The following TRPM3 variants were observed in gnomAD, a reference collection of about 807,000 sequenced individuals.
TRPM3 encodes the protein transient receptor potential cation channel subfamily M member 3.
TRPM3 carries 77 observed loss-of-function variants against 181.2 expected under a neutral mutation model. The ratio of observed to expected loss-of-function variants is 0.42; its 90% CI spans 0.35 to 0.51. TRPM3 has a LOEUF of 0.51. Ranked by LOEUF, TRPM3 falls within the 20% of genes least tolerant of loss-of-function variation. TRPM3 has a pLI of 0.01. For synonymous variants in TRPM3, 745 were observed against 796.4 expected (o/e 0.94, Z 1.09); for missense variants, 1,759 against 2,196.7 (o/e 0.80, Z 3.98).
At chr9:70,889,982 G>A (rs1425920486) in intron 1 of TRPM3, among the ~76,000 whole-genome samples, 1 of 147,028 alleles carries the variant, frequency 6.8e-6, no homozygotes, top group Non-Finnish European at 1.5e-5. Flanking sequence ...AATATTTATA[G>A]CATATTATAT....
intron 9 of TRPM3, among the ~76,000 whole-genome samples, chr9:70,643,311 T>C (rs1472249176): frequency 6.6e-6 from 1 of 152,204 alleles, no homozygotes; most frequent in East Asian, 1.9e-4. Flanking sequence ...TACTGGTTGG[T>C]GCTGACTTGC....
intron 1 of TRPM3, among the ~76,000 whole-genome samples, chr9:71,375,361 A>G (rs1341233481): frequency 6.6e-6 from 1 of 152,206 alleles, no homozygotes; most frequent in Non-Finnish European, 1.5e-5. Context: ...TACACCATAT[A>G]TAAGAATTAA....
At position 70,603,130 on chromosome 9, in the gene TRPM3, A is replaced by T. The variant is rs75645583; in HGVS notation, c.2796+212T>A. 2.4e-3 allele frequency among the ~76,000 whole-genome samples: 370 copies of T among 152,286 alleles called. 3 individuals are homozygous for T. The highest frequency in any genetic ancestry group is 0.024 in the South Asian group (117 of 4,816). ...GGCTACGTTAGCAGAGAATAGACCAAATCCTAAGCACTCAGGGAGTTACAC... is the reference window on the plus strand; with the variant it reads ...GGCTACGTTAGCAGAGAATAGACCATATCCTAAGCACTCAGGGAGTTACAC... On this transcript the variant is annotated intron_variant, in intron 20 of 25. Coordinates refer to ENST00000677713, the MANE Select transcript of TRPM3 (RefSeq NM_001366145.2).
intron 9 of TRPM3, among the ~76,000 whole-genome samples, chr9:70,663,597 A>AT (rs1466010081): frequency 1.3e-5 from 2 of 152,092 alleles, no homozygotes; most frequent in Non-Finnish European, 2.9e-5. Context: ...TTTATTTGTA[A>AT]TTTATATTAT....
In TRPM3 at chr9:71,227,108, CAAAAA is replaced by C. The variant is rs368727383; in HGVS notation, c.183+219540_183+219544del. Among the ~76,000 whole-genome samples, 4 of 40,178 alleles carry C rather than the reference CAAAAA, an allele frequency of 1.0e-4. No homozygotes were observed. In the East Asian group the frequency reaches 3.4e-3, roughly 34 times the overall value. 26.4% of individuals were successfully genotyped at this position (40,178 alleles called of 152,430 possible). On this transcript the variant is annotated intron_variant, in intron 1 of 24. Transcript: ENST00000357533. ...TGGGCGGCAGCATGATACTTCATCT[CAAAAA>C]AAAAAAAAAAAAAAAAAAGAGAGAA...
intron 18 of TRPM3, among the ~76,000 whole-genome samples, chr9:70,613,478 A>C (rs2062283949): frequency 6.6e-6 from 1 of 152,228 alleles, no homozygotes; most frequent in African/African-American, 2.4e-5. Context: ...AGAAGCTCAA[A>C]TATCAATCCC....
At chr9:71,057,835 A>G (rs1255265416) in intron 1 of TRPM3, among the ~76,000 whole-genome samples, 1 of 152,102 alleles carries the variant, frequency 6.6e-6, no homozygotes, top group Non-Finnish European at 1.5e-5. Context: ...TTGATTTAAA[A>G]TAGACTCAAA....
At chr9:70,918,836 TA>T (rs997444457) in intron 1 of TRPM3, among the ~76,000 whole-genome samples, 1 of 151,570 alleles carries the variant, frequency 6.6e-6, no homozygotes, top group Admixed American at 6.6e-5. Flanking sequence ...TTATTTTTTT[TA>T]AAAAAATAAA....
chr9:71,161,978 G>A (rs1440399108), intron 1 of TRPM3, among the ~76,000 whole-genome samples: 1 of 151,986 alleles, frequency 6.6e-6, no homozygotes, highest in Non-Finnish European at 1.5e-5. Flanking sequence ...AAGGCAGGCT[G>A]ATCACCTGAG....
In TRPM3 at chr9:70,552,994, G is replaced by A. The variant is rs777843927; in HGVS notation, c.3424C>T (p.Gln1142Ter). The change falls in exon 24 of 26, where the codon CAG becomes TAG. Residue 1142 changes from glutamine (Q) to a stop codon, truncating the protein, a stop_gained. Coordinates refer to ENST00000677713, the MANE Select transcript of TRPM3 (RefSeq NM_001366145.2). LOFTEE classifies it high-confidence loss of function. ...KSISNQVWKF[Q>*]RYQLIMTFHE... Reference sequence around the variant, plus strand: ...AAAGTCATGATGAGCTGATACCTCTGAAACTTCCAGACTTGGTTGGATATC... The same window carrying A: ...AAAGTCATGATGAGCTGATACCTCTAAAACTTCCAGACTTGGTTGGATATC... 5 of 1,614,178 alleles carry A rather than the reference G, an allele frequency of 3.1e-6. No homozygotes were observed. Among genetic ancestry groups the A allele is most frequent in the Non-Finnish European group, 4.2e-6 (5 of 1,180,026 alleles).
intron 1 of TRPM3, among the ~76,000 whole-genome samples, chr9:71,228,587 A>G (rs1446202131): frequency 6.6e-6 from 1 of 152,138 alleles, no homozygotes; most frequent in East Asian, 1.9e-4. Flanking sequence ...TAAAGACTTC[A>G]CCAGAAAACT....
intron 19 of TRPM3, 32 bp from the exon 20 acceptor site, chr9:70,603,502 G>C: frequency 6.2e-7 from 1 of 1,609,410 alleles, no homozygotes; most frequent in Non-Finnish European, 8.5e-7. Flanking sequence ...TGCTCTGGCT[G>C]TTCAGGCCCA....
At chr9:70,886,042 G>C (rs767796941) in intron 1 of TRPM3, among the ~76,000 whole-genome samples, 1 of 152,136 alleles carries the variant, frequency 6.6e-6, no homozygotes, top group Non-Finnish European at 1.5e-5. Flanking sequence ...GAATGTTATA[G>C]ACTTTCAGCA....
At chr9:71,282,937 T>C (rs982205629) in intron 1 of TRPM3, among the ~76,000 whole-genome samples, 3 of 152,162 alleles carry the variant, frequency 2.0e-5, no homozygotes, top group African/African-American at 7.2e-5. Flanking sequence ...TCTTTCTCAG[T>C]CTCACTTTTA....
intron 1 of TRPM3, among the ~76,000 whole-genome samples, chr9:71,279,157 T>C (rs2084493801): frequency 6.6e-6 from 1 of 152,184 alleles, no homozygotes; most frequent in South Asian, 2.1e-4. Flanking sequence ...TTTGATTTCT[T>C]TAACAGATGG....
chr9:70,893,009 CATTTTAAGCAAGCACAAAGCA>C (rs1005834801), intron 1 of TRPM3, among the ~76,000 whole-genome samples: 7 of 152,104 alleles, frequency 4.6e-5, no homozygotes, highest in Non-Finnish European at 1.0e-4. Flanking sequence ...CATGAGATAG[CATTTTAAGCAAGCACAAAGCA>C]CTATCTATCT....
At chr9:70,885,020 C>G (rs141448368) in intron 1 of TRPM3, among the ~76,000 whole-genome samples, 1 of 152,228 alleles carries the variant, frequency 6.6e-6, no homozygotes, top group African/African-American at 2.4e-5. Flanking sequence ...CAGAGTTGGC[C>G]TCCTGACGTC....
chr9:71,328,041 G>A (rs2089824372), intron 1 of TRPM3, among the ~76,000 whole-genome samples: 2 of 147,446 alleles, frequency 1.4e-5, no homozygotes, highest in South Asian at 2.2e-4. Flanking sequence ...GCATTAGCCA[G>A]AGAAATGATA....
chr9:71,209,133 A>G (rs2079312554), intron 1 of TRPM3, among the ~76,000 whole-genome samples: 1 of 152,078 alleles, frequency 6.6e-6, no homozygotes, highest in African/African-American at 2.4e-5. Flanking sequence ...TGCCTCGTTT[A>G]TATTATGTAC....
Sources: gnomAD v4.1 joint callset for allele counts (sites outside exome capture counted in the v4.1 genomes callset) on GRCh38, gnomAD v4.1.1 for gene constraint, MANE v1.5 for transcripts, NCBI Gene and HGNC (gene_info 2026-07-23, HGNC 2026-07-21) for gene names.